RBFOX3: variants seen among roughly 807,000 people sequenced by gnomAD.
The protein encoded by RBFOX3 is RNA binding fox-1 homolog 3, also known as RNA binding protein fox-1 homolog 3.
Under a neutral mutation model 48.7 loss-of-function variants are expected in RBFOX3, and 17 were observed. The ratio of observed to expected loss-of-function variants is 0.35; its 90% CI spans 0.24 to 0.52. RBFOX3 has a LOEUF of 0.52. Ranked by LOEUF, RBFOX3 falls within the 20% of genes least tolerant of loss-of-function variation. The pLI is 0.94. For missense variants in RBFOX3, 382 were observed against 497.5 expected (o/e 0.77, Z 2.21); for synonymous variants, 212 against 209.5 (o/e 1.01, Z -0.10).
intron 1 of RBFOX3, among the ~76,000 whole-genome samples, chr17:79,509,434 G>A (rs997892180): frequency 8.6e-5 from 13 of 151,738 alleles, no homozygotes; most frequent in South Asian, 4.2e-4. Flanking sequence ...TTTGTTCACT[G>A]TGACCTCACC....
chr17:79,164,560 G>A lies in RBFOX3; in HGVS notation c.-33-48812C>T, dbSNP rs563412363. ...CCTTGGCGCATGGCCAGCTGTGCCA[G>A]TGAAAACGGTGCCACTGGCCCTTGG... is the stretch of plus-strand genomic sequence containing the variant. On this transcript the variant is annotated intron_variant, in intron 4 of 14. Transcript: ENST00000693108. Among the ~76,000 whole-genome samples, 7 of 152,344 alleles carry A rather than the reference G, an allele frequency of 4.6e-5. No homozygotes were observed. In the East Asian group the frequency reaches 7.7e-4, roughly 17 times the overall value.
intron 3 of RBFOX3, among the ~76,000 whole-genome samples, chr17:79,245,224 C>T (rs775393720): frequency 5.3e-5 from 8 of 152,038 alleles, no homozygotes; most frequent in Non-Finnish European, 1.0e-4. Context: ...AGGCGTACGC[C>T]ACCACACCCG....
intron 3 of RBFOX3, among the ~76,000 whole-genome samples, chr17:79,246,369 C>T (rs1433306403): frequency 1.3e-5 from 2 of 152,234 alleles, no homozygotes; most frequent in African/African-American, 4.8e-5. Context: ...CCTTGGACAC[C>T]TTTGGGCTTC....
Position 79,334,610 on chromosome 17 carries a change from GA to G in RBFOX3, c.-174-26787del, listed in dbSNP as rs148776086. On this transcript the variant is annotated intron_variant, in intron 2 of 14. Coordinates refer to ENST00000693108, the MANE Select transcript of RBFOX3 (RefSeq NM_001350451.2). ...GCACAAAAGTTTGCAACCATTTCAG[GA>G]GGCTCATGGGCCAACTGGAGCCCAT... Among the ~76,000 whole-genome samples, 1,428 of 152,292 alleles carry G rather than the reference GA, an allele frequency of 9.4e-3. 28 individuals are homozygous for G. The highest frequency in any genetic ancestry group is 0.031 in the African/African-American group (1,292 of 41,548).
intron 4 of RBFOX3, among the ~76,000 whole-genome samples, chr17:79,172,996 G>C (rs1428476989): frequency 6.6e-6 from 1 of 152,134 alleles, no homozygotes; most frequent in African/African-American, 2.4e-5. Flanking sequence ...ATCACCTGAG[G>C]TCAGGAGTTT....
chr17:79,269,589 T>A (rs2067307223), intron 3 of RBFOX3, among the ~76,000 whole-genome samples: 1 of 151,620 alleles, frequency 6.6e-6, no homozygotes, highest in African/African-American at 2.4e-5. Flanking sequence ...TCCCTGGGGA[T>A]CGTCCCATCC....
intron 4 of RBFOX3, among the ~76,000 whole-genome samples, chr17:79,167,683 A>G (rs1009014295): frequency 6.6e-6 from 1 of 152,122 alleles, no homozygotes; most frequent in Non-Finnish European, 1.5e-5. Context: ...GGTCCCCTGC[A>G]GTCCCGCCAC....
chr17:79,206,677 C>T (rs1427238523), intron 4 of RBFOX3, among the ~76,000 whole-genome samples: 3 of 152,218 alleles, frequency 2.0e-5, no homozygotes, highest in Admixed American at 6.5e-5. Flanking sequence ...CAGGCCACCA[C>T]TGCTCAGCTG....
At chr17:79,630,438 G>T in the RBFOX3 span, among the ~76,000 whole-genome samples, 236 of 152,322 alleles carry the variant, frequency 1.5e-3, no homozygotes, top group South Asian at 0.013. Context: ...CCCAGAGGCG[G>T]CTTGAGCTCT....
At chr17:79,101,521 C>T (rs578113036) in intron 9 of RBFOX3, 63 bp downstream of exon 9, 5 of 1,416,100 alleles carry the variant, frequency 3.5e-6, no homozygotes, top group East Asian at 2.5e-5. Flanking sequence ...AGCCTCAGCT[C>T]CCCCAGGGCC....
chr17:79,394,907 C>T (rs1328394633), intron 2 of RBFOX3, among the ~76,000 whole-genome samples: 2 of 152,186 alleles, frequency 1.3e-5, no homozygotes, highest in African/African-American at 4.8e-5. Context: ...CACAGGCGCT[C>T]GGGGCGTGTG....
chr17:79,446,927 A>G (rs1290151300), intron 2 of RBFOX3, among the ~76,000 whole-genome samples: 3 of 152,184 alleles, frequency 2.0e-5, no homozygotes, highest in African/African-American at 7.2e-5. Flanking sequence ...CTTTCCTGAG[A>G]GAAGCCAAGG....
intron 1 of RBFOX3, among the ~76,000 whole-genome samples, chr17:79,558,101 G>A (rs906804761): frequency 2.8e-4 from 42 of 152,278 alleles, no homozygotes; most frequent in Non-Finnish European, 8.8e-5. Context: ...AGATCATCAC[G>A]AGGTCCATCG....
intron 4 of RBFOX3, among the ~76,000 whole-genome samples, chr17:79,229,833 A>ACC (rs1345956345): frequency 4.6e-5 from 7 of 152,038 alleles, no homozygotes; most frequent in African/African-American, 1.7e-4. Flanking sequence ...TGAATAATCG[A>ACC]CCCATCCTAA....
At chr17:79,565,026 CGA>C (rs1452751928) in intron 1 of RBFOX3, among the ~76,000 whole-genome samples, 5 of 119,166 alleles carry the variant, frequency 4.2e-5, no homozygotes, top group African/African-American at 1.7e-4. Flanking sequence ...GGCAACAGAG[CGA>C]GACTCTGTCT....
At chr17:79,138,686 A>ACG (rs1278925487) in intron 4 of RBFOX3, among the ~76,000 whole-genome samples, 10 of 69,892 alleles carry the variant, frequency 1.4e-4, no homozygotes, top group African/African-American at 3.1e-4. Context: ...TCACCCATAC[A>ACG]CATGGACACA....
At chr17:79,608,338 A>G (rs1428494580) in intron 1 of RBFOX3, among the ~76,000 whole-genome samples, 1 of 152,226 alleles carries the variant, frequency 6.6e-6, no homozygotes, top group African/African-American at 2.4e-5. Flanking sequence ...GGCGGAGCCT[A>G]GGGACTTCCC....
At chr17:79,241,145 A>G (rs1394785669) in intron 3 of RBFOX3, among the ~76,000 whole-genome samples, 1 of 151,028 alleles carries the variant, frequency 6.6e-6, no homozygotes, top group Non-Finnish European at 1.5e-5. Flanking sequence ...CTGGTTATCT[A>G]TCTAGCTATC....
the RBFOX3 span, among the ~76,000 whole-genome samples, chr17:79,655,572 C>T: frequency 2.0e-5 from 3 of 152,324 alleles, no homozygotes; most frequent in Non-Finnish European, 2.9e-5. Context: ...TGACCTGAGC[C>T]GGCAGGAGGC....
Sources: allele counts gnomAD v4.1 joint callset (sites outside exome capture counted in the v4.1 genomes callset), GRCh38; gene constraint gnomAD v4.1.1; transcripts MANE v1.5; gene names NCBI Gene and HGNC (gene_info 2026-07-23, HGNC 2026-07-21).